DDX10: variants seen among roughly 807,000 people sequenced by gnomAD.
DDX10 encodes probable ATP-dependent RNA helicase DDX10.
Under a neutral mutation model 104.3 loss-of-function variants are expected in DDX10, and 74 were observed. The ratio of observed to expected loss-of-function variants is 0.71; its 90% CI spans 0.59 to 0.86. The LOEUF is 0.86. Ranked by LOEUF, DDX10 falls within the 40% of genes least tolerant of loss-of-function variation. The pLI is 0.00. For synonymous variants in DDX10, 351 were observed against 353.4 expected (o/e 0.99, Z 0.08); for missense variants, 952 against 1,040.0 (o/e 0.92, Z 1.16).
rs550718002 is a variant in DDX10 at position 108,889,117 on chromosome 11, C to T, written c.2305-28756C>T. On this transcript the variant is annotated intron_variant, in intron 16 of 17. Transcript: ENST00000322536. ...TCAGAATTCTTATTTCAGGATCTTA[C>T]AGTGTTTCCAGGTTATCTTTTTCAG... 2.6e-4 allele frequency among the ~76,000 whole-genome samples: 40 copies of T among 152,262 alleles called. No homozygotes were observed. The East Asian group carries it at 6.4e-3, about 24-fold the overall frequency.
chr11:108,844,930 C>G (rs1265660347), intron 15 of DDX10, among the ~76,000 whole-genome samples: 1 of 152,184 alleles, frequency 6.6e-6, no homozygotes, highest in African/African-American at 2.4e-5. Flanking sequence ...GGCACGGTGG[C>G]TCACGCCTGT....
At chr11:108,866,521 A>G (rs114751738) in intron 16 of DDX10, among the ~76,000 whole-genome samples, 1 of 152,126 alleles carries the variant, frequency 6.6e-6, no homozygotes, top group African/African-American at 2.4e-5. Flanking sequence ...CAAGAAGTAT[A>G]CCTGTAAGAT....
intron 13 of DDX10, among the ~76,000 whole-genome samples, chr11:108,808,264 A>T (rs1862127451): frequency 6.6e-6 from 1 of 151,570 alleles, no homozygotes; most frequent in African/African-American, 2.4e-5. Flanking sequence ...GTGTTGGGGG[A>T]TACTTTGAGA....
intron 16 of DDX10, among the ~76,000 whole-genome samples, chr11:108,877,305 T>C (rs536792809): frequency 6.6e-6 from 1 of 152,320 alleles, no homozygotes; most frequent in South Asian, 2.1e-4. Flanking sequence ...TCTTTTATTT[T>C]CCATGATCTA....
chr11:108,782,455 C>A (rs550369489), intron 13 of DDX10, among the ~76,000 whole-genome samples: 5 of 152,056 alleles, frequency 3.3e-5, no homozygotes, highest in Non-Finnish European at 7.4e-5. Flanking sequence ...CTCCGAGATC[C>A]CTTTCTGCAT....
At chr11:108,737,530 G>A (rs528110334) in intron 13 of DDX10, among the ~76,000 whole-genome samples, 7 of 152,284 alleles carry the variant, frequency 4.6e-5, no homozygotes, top group Non-Finnish European at 1.0e-4. Flanking sequence ...TTCTTAGGGT[G>A]CATAAATTCT....
At chr11:108,824,430 T>A (rs1438032106) in intron 13 of DDX10, among the ~76,000 whole-genome samples, 2 of 152,232 alleles carry the variant, frequency 1.3e-5, no homozygotes, top group Non-Finnish European at 2.9e-5. Flanking sequence ...ACAAGTTATC[T>A]TTACTTTTAA....
chr11:108,808,291 A>G (rs1456557693), intron 13 of DDX10, among the ~76,000 whole-genome samples: 1 of 151,606 alleles, frequency 6.6e-6, no homozygotes, highest in Non-Finnish European at 1.5e-5. Flanking sequence ...TATGTAGACT[A>G]CCTGTATAAT....
chr11:108,899,882 GA>G (rs756901083), intron 16 of DDX10, among the ~76,000 whole-genome samples: 1 of 152,198 alleles, frequency 6.6e-6, no homozygotes, highest in East Asian at 1.9e-4. Context: ...GGAAGGCTGA[GA>G]TGGGTTGATC....
intron 9 of DDX10, among the ~76,000 whole-genome samples, chr11:108,698,396 G>A (rs922792393): frequency 6.6e-6 from 1 of 152,212 alleles, no homozygotes; most frequent in Admixed American, 6.5e-5. Flanking sequence ...GTGAAGGTCT[G>A]CAGTCTGCTC....
intron 12 of DDX10, among the ~76,000 whole-genome samples, chr11:108,720,718 G>A (rs1487752748): frequency 1.3e-5 from 2 of 151,962 alleles, no homozygotes; most frequent in Admixed American, 1.3e-4. Flanking sequence ...AGCCTCCTGA[G>A]TAGCTGGGAC....
chr11:108,740,826 T>G (rs897076462), intron 13 of DDX10, among the ~76,000 whole-genome samples: 1 of 152,084 alleles, frequency 6.6e-6, no homozygotes, highest in African/African-American at 2.4e-5. Context: ...TGTAACGGAG[T>G]TGATTTTTGC....
intron 16 of DDX10, among the ~76,000 whole-genome samples, chr11:108,872,249 G>A (rs1190643936): frequency 1.3e-5 from 2 of 152,150 alleles, no homozygotes; most frequent in Non-Finnish European, 2.9e-5. Flanking sequence ...TGTATTCAAA[G>A]TCAATTTTAC....
At chr11:108,722,968 G>A (rs761865290) in intron 12 of DDX10, 29 bp from the exon 13 acceptor site, 2 of 1,567,372 alleles carry the variant, frequency 1.3e-6, no homozygotes, top group South Asian at 2.5e-5. Context: ...GTGTTGAGAT[G>A]ACTGTTTTCA....
chr11:108,691,939 G>A lies in DDX10; in HGVS notation c.1039G>A (p.Gly347Ser), dbSNP rs148757704. The change falls in exon 8 of 18, where the codon GGT becomes AGT. Residue 347 changes from glycine (G) to serine (S), a missense_variant. This residue lies in a region of DDX10 where 412 missense variants were observed against 479.2 expected (regional missense o/e 0.86). Transcript: ENST00000322536. ...TGGTGTTTCTATCCTTGCACTCCAT[G>A]GTCGACAGCAGCAAATGAGAAGAAT... ...RPGVSILALH[G>S]RQQQMRRMEV... 1.9e-5 allele frequency: 31 copies of A among 1,613,870 alleles called. No individual in the cohort carries two copies. The highest frequency in any genetic ancestry group is 2.6e-5 in the Non-Finnish European group (31 of 1,179,992).
intron 13 of DDX10, among the ~76,000 whole-genome samples, chr11:108,813,632 G>T (rs1421285427): frequency 6.6e-6 from 1 of 152,140 alleles, no homozygotes; most frequent in Non-Finnish European, 1.5e-5. Context: ...TGTTAAAGTT[G>T]AACAGGGCCT....
chr11:108,729,237 C>T (rs1280814848), intron 13 of DDX10, among the ~76,000 whole-genome samples: 1 of 152,114 alleles, frequency 6.6e-6, no homozygotes, highest in East Asian at 1.9e-4. Context: ...AAGAGGGCCC[C>T]AGTGACACTA....
At chr11:108,788,583 G>A (rs1861827859) in intron 13 of DDX10, among the ~76,000 whole-genome samples, 1 of 152,146 alleles carries the variant, frequency 6.6e-6, no homozygotes, top group Non-Finnish European at 1.5e-5. Context: ...GGCTGGTCTC[G>A]AACTCCCGAC....
chr11:108,778,462 A>G (rs1219898848), intron 13 of DDX10, among the ~76,000 whole-genome samples: 1 of 152,240 alleles, frequency 6.6e-6, no homozygotes, highest in Admixed American at 6.5e-5. Context: ...TCTATTTAAT[A>G]AATGGTGCTG....
Sources: gnomAD v4.1 joint callset for allele counts (sites outside exome capture counted in the v4.1 genomes callset) on GRCh38, gnomAD v4.1.1 for gene constraint, gnomAD v4.1.1 regional missense constraint, MANE v1.5 for transcripts, NCBI Gene and HGNC (gene_info 2026-07-23, HGNC 2026-07-21) for gene names.